The following CNTN5 variants were observed in gnomAD, a reference collection of about 807,000 sequenced individuals.
The protein encoded by CNTN5 is contactin 5, also known as contactin-5.
CNTN5 carries 77 observed loss-of-function variants against 129.1 expected under a neutral mutation model. The ratio of observed to expected loss-of-function variants is 0.60; its 90% CI spans 0.50 to 0.72. The LOEUF (loss-of-function observed/expected upper bound fraction) is 0.72, where lower values mean the gene tolerates loss of function less well. Ranked by LOEUF, CNTN5 falls within the 30% of genes least tolerant of loss-of-function variation. The pLI is 0.00. For synonymous variants in CNTN5, 509 were observed against 465.6 expected (o/e 1.09, Z -1.20); for missense variants, 1,478 against 1,328.8 (o/e 1.11, Z -1.75).
rs1334295248 is a variant in CNTN5 at position 99,741,640 on chromosome 11, G to A, written c.56-77904G>A. On this transcript the variant is annotated intron_variant, in intron 3 of 24. Coordinates refer to ENST00000524871, the MANE Select transcript of CNTN5 (RefSeq NM_014361.4). Reference sequence around the variant, plus strand: ...AAGTTAACCACTAGGAGACAAGTTTGCCCTAAGCTTAACCCAGACAGGAGA... The same window carrying A: ...AAGTTAACCACTAGGAGACAAGTTTACCCTAAGCTTAACCCAGACAGGAGA... 2.0e-5 allele frequency among the ~76,000 whole-genome samples: 3 copies of A among 152,172 alleles called. No homozygotes were observed. In the East Asian group the frequency reaches 5.8e-4, roughly 29 times the overall value.
chr11:100,218,154 T>A (rs1331575328), intron 15 of CNTN5, among the ~76,000 whole-genome samples: 3 of 152,180 alleles, frequency 2.0e-5, no homozygotes, highest in Non-Finnish European at 4.4e-5. Flanking sequence ...GAAAGAATAT[T>A]TGGAGAAAAT....
Position 100,050,641 on chromosome 11 carries a change from A to T in CNTN5, c.981-10571A>T, listed in dbSNP as rs1055530978. 3.3e-4 allele frequency among the ~76,000 whole-genome samples: 50 copies of T among 151,812 alleles called. No homozygotes were observed. In the Middle Eastern group the frequency reaches 0.01, roughly 31 times the overall value. On this transcript the variant is annotated intron_variant, in intron 9 of 24. Transcript: ENST00000524871. ...AAAGTATAATAATAATAAAATAAAAAAAAGAAATGAGAAAAAAAAGACCTT... is the reference window on the plus strand; with the variant it reads ...AAAGTATAATAATAATAAAATAAAATAAAGAAATGAGAAAAAAAAGACCTT...
chr11:100,010,330 A>G (rs1405723068), intron 9 of CNTN5, among the ~76,000 whole-genome samples: 2 of 152,140 alleles, frequency 1.3e-5, no homozygotes, highest in African/African-American at 2.4e-5. Context: ...AGGGGGGAAA[A>G]AAAGAATTAG....
chr11:99,975,456 C>T (rs914367458), intron 8 of CNTN5, among the ~76,000 whole-genome samples: 1 of 152,032 alleles, frequency 6.6e-6, no homozygotes, highest in African/African-American at 2.4e-5. Context: ...TGGCAAAATG[C>T]GGCAGACCCA....
intron 10 of CNTN5, among the ~76,000 whole-genome samples, chr11:100,061,616 C>G (rs1470831598): frequency 6.6e-6 from 1 of 152,184 alleles, no homozygotes; most frequent in Admixed American, 6.5e-5. Context: ...GTACAGCATA[C>G]AGAACTTACG....
chr11:99,512,174 C>T (rs1387754702), intron 2 of CNTN5, among the ~76,000 whole-genome samples: 5 of 152,062 alleles, frequency 3.3e-5, no homozygotes, highest in Non-Finnish European at 7.4e-5. Context: ...AAGTAAGAGC[C>T]CTAGACAGGT....
chr11:99,177,919 T>C (rs1159193081), intron 1 of CNTN5, among the ~76,000 whole-genome samples: 1 of 151,868 alleles, frequency 6.6e-6, no homozygotes, highest in Non-Finnish European at 1.5e-5. Context: ...AAGATTAACA[T>C]CAAAAGCAGC....
At chr11:99,881,623 T>C (rs904696613) in intron 6 of CNTN5, among the ~76,000 whole-genome samples, 3 of 152,190 alleles carry the variant, frequency 2.0e-5, no homozygotes, top group African/African-American at 4.8e-5. Flanking sequence ...TATATAGTGA[T>C]AACAATGTTG....
At chr11:99,382,000 A>T (rs1379673855) in intron 2 of CNTN5, among the ~76,000 whole-genome samples, 1 of 149,602 alleles carries the variant, frequency 6.7e-6, no homozygotes, top group Non-Finnish European at 1.5e-5. Flanking sequence ...AAACAAACAA[A>T]TCAACACAAA....
chr11:99,920,709 G>A (rs1591423064), intron 7 of CNTN5, among the ~76,000 whole-genome samples: 1 of 152,242 alleles, frequency 6.6e-6, no homozygotes, highest in East Asian at 1.9e-4. Context: ...TACTCACATG[G>A]TGGAAGGGGC....
chr11:99,934,514 C>G lies in CNTN5; in HGVS notation c.673+18365C>G, dbSNP rs569553213. On this transcript the variant is annotated intron_variant, in intron 7 of 24. Transcript: ENST00000524871. Reference sequence around the variant, plus strand: ...TCATATAAACATTTTCTAAATTATTCGTATCCCCCACCACCTCCATTTCTT... The same window carrying G: ...TCATATAAACATTTTCTAAATTATTGGTATCCCCCACCACCTCCATTTCTT... 9.9e-5 allele frequency among the ~76,000 whole-genome samples: 15 copies of G among 152,196 alleles called. No individual in the cohort carries two copies. In the South Asian group the frequency reaches 3.1e-3, roughly 32 times the overall value.
At chr11:99,243,174 G>A (rs1186802715) in intron 1 of CNTN5, among the ~76,000 whole-genome samples, 1 of 152,064 alleles carries the variant, frequency 6.6e-6, no homozygotes, top group Admixed American at 6.6e-5. Flanking sequence ...CAGCCATTCT[G>A]ACTGGTGTGA....
chr11:99,765,009 T>C (rs1476925700), intron 3 of CNTN5, among the ~76,000 whole-genome samples: 1 of 152,144 alleles, frequency 6.6e-6, no homozygotes, highest in Non-Finnish European at 1.5e-5. Flanking sequence ...CAATTTTCTC[T>C]GAATTTTTCA....
At chr11:99,686,409 C>T (rs941642740) in intron 3 of CNTN5, among the ~76,000 whole-genome samples, 6 of 151,706 alleles carry the variant, frequency 4.0e-5, no homozygotes, top group South Asian at 2.1e-4. Flanking sequence ...TTTCTTTTTG[C>T]TTCCTTTTAT....
intron 2 of CNTN5, among the ~76,000 whole-genome samples, chr11:99,552,073 A>G (rs1948504947): frequency 6.6e-6 from 1 of 151,828 alleles, no homozygotes; most frequent in Admixed American, 6.6e-5. Flanking sequence ...AGGCCTAGCT[A>G]ATTTCTGTAT....
intron 3 of CNTN5, among the ~76,000 whole-genome samples, chr11:99,771,056 C>T (rs1944928503): frequency 6.6e-6 from 1 of 152,026 alleles, no homozygotes; most frequent in Non-Finnish European, 1.5e-5. Flanking sequence ...AGGATAAACT[C>T]TTTAGTAAAT....
At chr11:100,077,682 C>A (rs998229852) in intron 13 of CNTN5, among the ~76,000 whole-genome samples, 1 of 151,680 alleles carries the variant, frequency 6.6e-6, no homozygotes, top group South Asian at 2.1e-4. Context: ...GAAGAAAAAA[C>A]AACTTAAATA....
intron 2 of CNTN5, among the ~76,000 whole-genome samples, chr11:99,404,880 T>C (rs544032778): frequency 8.1e-4 from 124 of 152,296 alleles, no homozygotes; most frequent in African/African-American, 2.8e-3. Context: ...AGTACTCCCT[T>C]TAGCATTTCT....
At chr11:99,999,082 G>T (rs1939668453) in intron 8 of CNTN5, among the ~76,000 whole-genome samples, 1 of 151,890 alleles carries the variant, frequency 6.6e-6, no homozygotes, top group Non-Finnish European at 1.5e-5. Context: ...ATACCATTCA[G>T]GACACAGGCA....
Sources: gnomAD v4.1 joint callset for allele counts (sites outside exome capture counted in the v4.1 genomes callset) on GRCh38, gnomAD v4.1.1 for gene constraint, MANE v1.5 for transcripts, NCBI Gene and HGNC (gene_info 2026-07-23, HGNC 2026-07-21) for gene names.